The following PTTG1IP variants were observed in gnomAD, a reference collection of about 807,000 sequenced individuals.
The protein encoded by PTTG1IP is pituitary tumor-transforming gene 1 protein-interacting protein.
A neutral mutation model predicts 24.4 loss-of-function variants in PTTG1IP; 16 were observed. The ratio of observed to expected loss-of-function variants is 0.66; its 90% confidence interval spans 0.44 to 1.00. The LOEUF is 1.00. PTTG1IP is among the 50% of genes least tolerant of loss of function. PTTG1IP has a pLI of 0.00. For missense variants in PTTG1IP, 241 were observed against 245.8 expected, an observed-to-expected ratio of 0.98 and a Z score of 0.13; for synonymous variants, 89 against 96.8, an observed-to-expected ratio of 0.92 and a Z score of 0.47.
chr21:44,867,023 G>A (rs1260655794), intron 1 of PTTG1IP, among the ~76,000 whole-genome samples: 3 of 152,172 alleles, frequency 2.0e-5, no homozygotes, highest in South Asian at 2.1e-4. Flanking sequence ...ATGGACCTGC[G>A]CAGGAAGGCT....
intron 3 of PTTG1IP, among the ~76,000 whole-genome samples, chr21:44,859,509 A>G (rs995356260): frequency 2.0e-5 from 3 of 152,248 alleles, no homozygotes; most frequent in Non-Finnish European, 4.4e-5. Context: ...TGTAGGCTAT[A>G]AAGTCCATGC....
intron 2 of PTTG1IP, among the ~76,000 whole-genome samples, chr21:44,863,993 A>C (rs1410140482): frequency 6.6e-6 from 1 of 152,006 alleles, no homozygotes; most frequent in East Asian, 1.9e-4. Flanking sequence ...GTGGAGGAAG[A>C]AGAGTTTTTA....
intron 4 of PTTG1IP, among the ~76,000 whole-genome samples, chr21:44,855,736 G>A (rs758109858): frequency 3.3e-5 from 5 of 152,036 alleles, no homozygotes; most frequent in Non-Finnish European, 7.4e-5. Context: ...TGCCAGGTGT[G>A]GATTACACCA....
intron 1 of PTTG1IP, among the ~76,000 whole-genome samples, chr21:44,870,244 T>C (rs1481009120): frequency 6.6e-6 from 1 of 152,118 alleles, no homozygotes; most frequent in Non-Finnish European, 1.5e-5. Flanking sequence ...TCATCTTGCA[T>C]AGTAAGAAAA....
At chr21:44,868,507 C>G (rs1248513905) in intron 1 of PTTG1IP, among the ~76,000 whole-genome samples, 1 of 152,148 alleles carries the variant, frequency 6.6e-6, no homozygotes, top group Non-Finnish European at 1.5e-5. Flanking sequence ...AACACATGAG[C>G]CACAGACAGT....
In PTTG1IP at chr21:44,873,578, C is replaced by G; in HGVS notation, c.39G>C (p.Trp13Cys). 2 of 1,468,570 alleles carry G rather than the reference C, an allele frequency of 1.4e-6. No homozygotes were observed. Among genetic ancestry groups the G allele is most frequent in the Non-Finnish European group, 1.8e-6 (2 of 1,115,196 alleles). 91.0% of individuals were successfully genotyped at this position (1,468,570 alleles called of 1,614,324 possible). The change falls in exon 1 of 6, where the codon TGG becomes TGC. Residue 13 changes from tryptophan to cysteine, a missense_variant. Coordinates refer to ENST00000330938, the MANE Select transcript of PTTG1IP (RefSeq NM_004339.4). ...PGVARGPTPY[W>C]RLRLGGAALL... Reference sequence around the variant, plus strand: ...GCGCGGCGCCACCGAGGCGCAACCTCCAGTACGGCGTCGGCCCGCGGGCCA... The same window carrying G: ...GCGCGGCGCCACCGAGGCGCAACCTGCAGTACGGCGTCGGCCCGCGGGCCA...
At chr21:44,869,985 A>T (rs2083571211) in intron 1 of PTTG1IP, among the ~76,000 whole-genome samples, 1 of 152,204 alleles carries the variant, frequency 6.6e-6, no homozygotes, top group South Asian at 2.1e-4. Flanking sequence ...AACTCCATCT[A>T]TCCCCAGACC....
intron 3 of PTTG1IP, among the ~76,000 whole-genome samples, chr21:44,859,359 C>A (rs541865253): frequency 6.6e-6 from 1 of 151,850 alleles, no homozygotes; most frequent in Non-Finnish European, 1.5e-5. Context: ...AACCTGTATA[C>A]GTATGCAAAA....
chr21:44,859,878 T>C (rs996526233), intron 3 of PTTG1IP, among the ~76,000 whole-genome samples: 1 of 152,188 alleles, frequency 6.6e-6, no homozygotes, highest in Non-Finnish European at 1.5e-5. Flanking sequence ...GAGTGGTAAG[T>C]AAGACGTAAG....
At chr21:44,871,248 CAG>C (rs3215896) in intron 1 of PTTG1IP, among the ~76,000 whole-genome samples, 32,251 of 152,144 alleles carry the variant, frequency 0.21, 3,734 homozygotes, top group Middle Eastern at 0.32. Context: ...CTCAGGGTGA[CAG>C]GGGCAGAACT....
intron 5 of PTTG1IP, among the ~76,000 whole-genome samples, chr21:44,852,631 T>C (rs1048990834): frequency 6.6e-6 from 1 of 152,202 alleles, no homozygotes; most frequent in African/African-American, 2.4e-5. Context: ...TGTTTCTTTC[T>C]TGCCTGTCAA....
chr21:44,866,374 A>AACACACACAC lies in PTTG1IP; in HGVS notation c.116-937_116-928dup, dbSNP rs761076398. On this transcript the variant is annotated intron_variant, in intron 1 of 5. Transcript: ENST00000330938. ...CACAGACTGCCTACTCCAATCCCATAACACACACACACACACACACACACA... is the reference window on the plus strand; with the variant it reads ...CACAGACTGCCTACTCCAATCCCATAACACACACACACACACACACACACACACACACACA... Among the ~76,000 whole-genome samples the AACACACACAC allele has an allele frequency of 4.5e-5, 2 of 44,762 alleles. 1 individual carries two copies. Among genetic ancestry groups the AACACACACAC allele is most frequent in the African/African-American group, 4.2e-4 (2 of 4,710 alleles). The allele number at this position is 44,762 out of a possible 152,430, so 29.4% of individuals were successfully genotyped here.
At position 44,865,524 on chromosome 21, in the gene PTTG1IP, G is replaced by C. The variant is rs1213762104; in HGVS notation, c.116-77C>G. 5 of 1,477,958 alleles carry C rather than the reference G, an allele frequency of 3.4e-6. No homozygotes were observed. In the East Asian group the frequency reaches 9.1e-5, roughly 27 times the overall value. 91.6% of individuals were successfully genotyped at this position (1,477,958 alleles called of 1,614,324 possible). A position where few individuals can be genotyped will look rare whatever the true frequency, so the allele number is the denominator to read the frequency against. On this transcript the variant is annotated intron_variant, in intron 1 of 5. Coordinates refer to ENST00000330938, the MANE Select transcript of PTTG1IP (RefSeq NM_004339.4). ...AATATTAGTCCAGCAGGGCAGGGTG[G>C]GCACCAGTGAGGGGTGTGGCACCAA... is the stretch of plus-strand genomic sequence containing the variant.
intron 1 of PTTG1IP, among the ~76,000 whole-genome samples, chr21:44,867,215 T>A (rs554320876): frequency 5.3e-5 from 8 of 152,272 alleles, no homozygotes; most frequent in Non-Finnish European, 8.8e-5. Context: ...TGTCTCTCCT[T>A]TGGAGGTGAG....
Position 44,851,647 on chromosome 21 carries a change from A to T in PTTG1IP, c.497-20T>A, listed in dbSNP as rs776129943. 6.4e-7 allele frequency: 1 copy of T among 1,556,464 alleles called. No homozygotes were observed. The highest frequency in any genetic ancestry group is 1.9e-5 in the Admixed American group (1 of 52,084). ...ACAGGCCTGAAACAAAATAAACTTG[A>T]ATCATAACTTCATTCATTCAACCAG... On this transcript the variant is annotated intron_variant, in intron 5 of 5. Coordinates refer to ENST00000330938, the MANE Select transcript of PTTG1IP (RefSeq NM_004339.4).
At position 44,849,822 on chromosome 21, in the gene PTTG1IP, G is replaced by C. The variant is rs1335515402; in HGVS notation, c.*1759C>G. 6.6e-6 allele frequency: 1 copy of C among 152,260 alleles called. No individual in the cohort carries two copies. Among genetic ancestry groups the C allele is most frequent in the African/African-American group, 2.4e-5 (1 of 41,446 alleles). The allele number at this position is 152,260 out of a possible 1,614,324, so 9.4% of individuals were successfully genotyped here. A position where few individuals can be genotyped will look rare whatever the true frequency, so the allele number is the denominator to read the frequency against. ...CGCCAGCTCAGCACCCTACGCTCAG[G>C]AAGCGGATTTTGCACACACACTACT... On this transcript the variant is annotated 3_prime_UTR_variant, in exon 6 of 6. Transcript: ENST00000330938.
chr21:44,856,504 C>T (rs2083450904), intron 3 of PTTG1IP, 140 bp from the exon 4 acceptor site: 1 of 954,726 alleles, frequency 1.0e-6, no homozygotes. Flanking sequence ...GCTGCTGGCT[C>T]CTGGCGTGTG....
At position 44,851,471 on chromosome 21, in the gene PTTG1IP, G is replaced by C. The variant is rs766373940; in HGVS notation, c.*110C>G. ...GCCGCCTGTCCTGGAAGGCTGGCAG[G>C]TTCACTGGCCAAGGTCAGGAGACCG... On this transcript the variant is annotated 3_prime_UTR_variant, in exon 6 of 6. Transcript: ENST00000330938. 2.5e-6 allele frequency: 4 copies of C among 1,611,702 alleles called. No homozygotes were observed. In the African/African-American group the frequency reaches 5.3e-5, roughly 22 times the overall value.
chr21:44,865,261 C>T (rs1198760063), intron 2 of PTTG1IP, 134 bp downstream of exon 2: 2 of 870,406 alleles, frequency 2.3e-6, no homozygotes, highest in African/African-American at 1.7e-5. Context: ...GATAACGATT[C>T]CAAAAAACAT....
Sources: allele counts gnomAD v4.1 joint callset (sites outside exome capture counted in the v4.1 genomes callset), GRCh38; gene constraint gnomAD v4.1.1; transcripts MANE v1.5; gene names NCBI Gene and HGNC (gene_info 2026-07-23, HGNC 2026-07-21).